The following ADGB variants were observed in gnomAD, a reference collection of about 807,000 sequenced individuals.
The protein encoded by ADGB is androglobin.
A neutral mutation model predicts 210.5 loss-of-function variants in ADGB; 172 were observed. The ratio of observed to expected loss-of-function variants is 0.82; its 90% CI spans 0.72 to 0.93. The LOEUF is 0.93. Among genes scored for constraint, ADGB ranks in the 40% least tolerant of loss-of-function variants. The pLI is 0.00. For missense variants in ADGB, 2,025 were observed against 1,964.8 expected (o/e 1.03, Z -0.58); for synonymous variants, 658 against 662.7 (o/e 0.99, Z 0.11).
chr6:146,719,044 G>A (rs1776777199), intron 16 of ADGB, among the ~76,000 whole-genome samples: 1 of 152,144 alleles, frequency 6.6e-6, no homozygotes, highest in South Asian at 2.1e-4. Flanking sequence ...TATTGCTAGT[G>A]GTAAAATGAC....
At chr6:146,716,832 A>G in intron 14 of ADGB, 51 bp from the exon 15 acceptor site, 1 of 1,433,516 alleles carries the variant, frequency 7.0e-7, no homozygotes, top group South Asian at 1.4e-5. Context: ...ACATATTTCA[A>G]TAACTTGTTA....
At chr6:146,636,337 C>T (rs552170490) in intron 2 of ADGB, among the ~76,000 whole-genome samples, 265 of 151,908 alleles carry the variant, frequency 1.7e-3, no homozygotes, top group Non-Finnish European at 3.1e-3. Flanking sequence ...GTTTTGTTCA[C>T]AAAAGATTGT....
chr6:146,683,254 G>A (rs1776181344), intron 9 of ADGB, among the ~76,000 whole-genome samples: 1 of 152,054 alleles, frequency 6.6e-6, no homozygotes, highest in Non-Finnish European at 1.5e-5. Context: ...GTACAAAACA[G>A]ACTAAAGCAG....
chr6:146,730,955 A>C (rs761866731), intron 20 of ADGB, among the ~76,000 whole-genome samples: 35 of 152,264 alleles, frequency 2.3e-4, no homozygotes, highest in Middle Eastern at 3.4e-3. Context: ...TAAATAAATA[A>C]GATTTACATA....
intron 12 of ADGB, 135 bp downstream of exon 12, chr6:146,693,050 C>T: frequency 1.8e-6 from 1 of 555,354 alleles, no homozygotes; most frequent in Non-Finnish European, 3.2e-6. Flanking sequence ...CATGTAAAAA[C>T]TTTAAAAGGA....
At chr6:146,779,359 T>G (rs547426506) in intron 29 of ADGB, among the ~76,000 whole-genome samples, 1 of 152,208 alleles carries the variant, frequency 6.6e-6, no homozygotes, top group Admixed American at 6.5e-5. Context: ...ATGTACATAA[T>G]GGGAACTCCA....
chr6:146,670,617 C>T, intron 7 of ADGB, among the ~76,000 whole-genome samples: 1 of 152,136 alleles, frequency 6.6e-6, no homozygotes, highest in African/African-American at 2.4e-5. Context: ...ATTTCAGCTT[C>T]CCTTATTTCA....
intron 9 of ADGB, among the ~76,000 whole-genome samples, chr6:146,684,662 C>G (rs1776198457): frequency 6.6e-6 from 1 of 152,080 alleles, no homozygotes; most frequent in South Asian, 2.1e-4. Context: ...TCACACAATA[C>G]ACAGTACCTT....
intron 26 of ADGB, among the ~76,000 whole-genome samples, chr6:146,749,872 C>A (rs1412988453): frequency 6.6e-6 from 1 of 151,986 alleles, no homozygotes; most frequent in Non-Finnish European, 1.5e-5. Flanking sequence ...TTCAAACAAC[C>A]AGATCTCATG....
At chr6:146,657,973 C>T (rs1327619423) in intron 5 of ADGB, among the ~76,000 whole-genome samples, 1 of 152,048 alleles carries the variant, frequency 6.6e-6, no homozygotes, top group Admixed American at 6.6e-5. Flanking sequence ...TTTTCTTGGC[C>T]CTTGTCACTG....
intron 1 of ADGB, among the ~76,000 whole-genome samples, chr6:146,621,962 A>C (rs1051978326): frequency 6.6e-6 from 1 of 152,178 alleles, no homozygotes; most frequent in East Asian, 1.9e-4. Context: ...TTAAGAAACT[A>C]TTGGACCATT....
chr6:146,810,576 A>T (rs1221093417), intron 35 of ADGB, among the ~76,000 whole-genome samples: 7 of 97,398 alleles, frequency 7.2e-5, no homozygotes, highest in African/African-American at 1.8e-4. Flanking sequence ...GAATGAATAA[A>T]GAAAATGTGG....
At chr6:146,716,713 T>C (rs1426982075) in intron 14 of ADGB, among the ~76,000 whole-genome samples, 170 bp from the exon 15 acceptor site, 1 of 152,170 alleles carries the variant, frequency 6.6e-6, no homozygotes. Flanking sequence ...CTCCTTTGTG[T>C]ATGAAATGTG....
At chr6:146,689,182 A>C (rs1419792843) in intron 10 of ADGB, among the ~76,000 whole-genome samples, 2 of 152,144 alleles carry the variant, frequency 1.3e-5, no homozygotes. Flanking sequence ...TAAGTCTTAC[A>C]CATGAATTAT....
chr6:146,600,669 TA>T (rs1322606561), intron 1 of ADGB, among the ~76,000 whole-genome samples: 23 of 152,290 alleles, frequency 1.5e-4, no homozygotes, highest in African/African-American at 5.1e-4. Flanking sequence ...TATTGACTTT[TA>T]TTTTTTTGCT....
At chr6:146,790,224 A>C (rs1157394626) in intron 33 of ADGB, among the ~76,000 whole-genome samples, 1 of 152,190 alleles carries the variant, frequency 6.6e-6, no homozygotes, top group Non-Finnish European at 1.5e-5. Context: ...CTATTTTGAA[A>C]CATCCAATAA....
intron 24 of ADGB, 129 bp downstream of exon 24, chr6:146,740,722 C>A: frequency 1.2e-6 from 1 of 848,650 alleles, no homozygotes; most frequent in Non-Finnish European, 1.7e-6. Context: ...AATTCTTCCA[C>A]ACTTGGCATT....
At chr6:146,728,929 T>C (rs771759473) in intron 20 of ADGB, among the ~76,000 whole-genome samples, 188 bp downstream of exon 20, 3 of 152,040 alleles carry the variant, frequency 2.0e-5, no homozygotes, top group Non-Finnish European at 4.4e-5. Context: ...GAGAAAGAAA[T>C]TGATTAAAGG....
At chr6:146,661,221 T>C (rs1342537536) in intron 5 of ADGB, among the ~76,000 whole-genome samples, 9 of 9,292 alleles carry the variant, frequency 9.7e-4, no homozygotes, top group East Asian at 4.1e-3. Flanking sequence ...TCTTTTTTTC[T>C]TTTTTTTTTT....
Sources: allele counts gnomAD v4.1 joint callset (sites outside exome capture counted in the v4.1 genomes callset), GRCh38; gene constraint gnomAD v4.1.1; transcripts MANE v1.5; gene names NCBI Gene and HGNC (gene_info 2026-07-23, HGNC 2026-07-21).